Variants in ASH1L observed in about 807,000 individuals in gnomAD.
ASH1L encodes ASH1 like histone lysine methyltransferase.
ASH1L carries 23 observed loss-of-function variants against 269.0 expected under a neutral mutation model. That is an observed-to-expected ratio of 0.09 (90% confidence interval 0.06 to 0.12). ASH1L has a LOEUF of 0.12. Among genes scored for constraint, ASH1L ranks in the 10% least tolerant of loss-of-function variants. The pLI is 1.00. For synonymous variants in ASH1L, 1,187 were observed against 1,253.5 expected, an observed-to-expected ratio of 0.95 and a Z score of 1.12; for missense variants, 2,912 against 3,567.8, an observed-to-expected ratio of 0.82 and a Z score of 4.68.
rs1669681062 is a variant in ASH1L, at chr1:155,531,615, C to T, written c.-99-9997G>A. Among the ~76,000 whole-genome samples the T allele has an allele frequency of 1.3e-5, 2 of 151,922 alleles. 1 individual carries two copies. The highest frequency in any genetic ancestry group is 4.8e-5 in the African/African-American group (2 of 41,296). ...ACATAAATAGCAGAGTACCAATAAA[C>T]TGAAAAGAGATTTGAAAACATTTAT... On this transcript the variant is annotated intron_variant, in intron 1 of 27. Transcript: ENST00000392403.
At chr1:155,487,614 G>A (rs1281533202) in intron 2 of ASH1L, among the ~76,000 whole-genome samples, 2 of 151,930 alleles carry the variant, frequency 1.3e-5, no homozygotes, top group African/African-American at 2.4e-5. Context: ...CTCGAACTCC[G>A]GGGCTCAAGT....
intron 1 of ASH1L, among the ~76,000 whole-genome samples, chr1:155,553,778 G>A (rs1184416316): frequency 6.6e-6 from 1 of 151,696 alleles, no homozygotes; most frequent in Non-Finnish European, 1.5e-5. Flanking sequence ...TAATATGTTT[G>A]TTAACATGCT....
At chr1:155,538,486 T>C (rs1219424107) in intron 1 of ASH1L, among the ~76,000 whole-genome samples, 1 of 151,912 alleles carries the variant, frequency 6.6e-6, no homozygotes, top group African/African-American at 2.4e-5. Context: ...GCCTCCCGAG[T>C]AGCCGGGACT....
chr1:155,538,296 G>A (rs1054824362), intron 1 of ASH1L, among the ~76,000 whole-genome samples: 2 of 151,776 alleles, frequency 1.3e-5, no homozygotes, highest in Non-Finnish European at 2.9e-5. Context: ...GTCCACCTCA[G>A]CCTCCCAAAG....
chr1:155,349,578 A>C lies in ASH1L; in HGVS notation c.7385T>G (p.Leu2462Arg). The stretch of plus-strand genomic sequence containing the variant: ...GGGAAGGTTCAAAAGTGGAGCTGCC[A>C]GTGCTTGCCGGGAAGAATCTGCAAA... ...ISYKDSSRQA[L>R]AAPLLNLPPK... Residue 2462 changes from leucine to arginine, a missense_variant, in exon 18 of 28, where the codon CTG becomes CGG. Transcript: ENST00000392403. 1 of 1,614,074 alleles carries C rather than the reference A, an allele frequency of 6.2e-7. No individual in the cohort carries two copies.
chr1:155,482,010 G>A lies in ASH1L; in HGVS notation c.860C>T (p.Pro287Leu), dbSNP rs1284268957. The A allele has an allele frequency of 5.6e-6, 9 of 1,614,024 alleles. No individual in the cohort carries two copies. The highest frequency in any genetic ancestry group is 7.6e-6 in the Non-Finnish European group (9 of 1,180,002). The change falls in exon 3 of 28, where the codon CCT becomes CTT. Residue 287 changes from proline (P) to leucine (L), a missense_variant. Around this residue, in one of 13 missense-constraint regions of ASH1L, gnomAD observed 277 missense variants for 367.7 expected, o/e 0.75. Coordinates refer to ENST00000392403, the MANE Select transcript of ASH1L (RefSeq NM_018489.3). ...STAVGLVTKD[P>L]GKKPVFNAAV... ...TGCATTAAACACTGGCTTTTTCCCA[G>A]GATCTTTAGTTACCAATCCAACTGC...
intron 1 of ASH1L, among the ~76,000 whole-genome samples, chr1:155,533,004 C>T (rs113317094): frequency 6.9e-6 from 1 of 144,020 alleles, no homozygotes; most frequent in Non-Finnish European, 1.5e-5. Flanking sequence ...GTGTTGGTGG[C>T]GAAGGTCTGG....
At chr1:155,425,798 G>A (rs192707037) in intron 5 of ASH1L, among the ~76,000 whole-genome samples, 12 of 151,856 alleles carry the variant, frequency 7.9e-5, no homozygotes, top group Admixed American at 3.3e-4. Flanking sequence ...AGGCTGGCTC[G>A]AACTCCTGAC....
At chr1:155,549,831 T>G (rs1165827347) in intron 1 of ASH1L, among the ~76,000 whole-genome samples, 3 of 152,008 alleles carry the variant, frequency 2.0e-5, no homozygotes, top group Non-Finnish European at 4.4e-5. Context: ...TTTCCCACAG[T>G]GTTCCTCATC....
At chr1:155,442,936 C>T (rs1338335412) in intron 4 of ASH1L, among the ~76,000 whole-genome samples, 1 of 152,186 alleles carries the variant, frequency 6.6e-6, no homozygotes, top group Admixed American at 6.5e-5. Context: ...CAGGAAGCAC[C>T]CTCTTCATTC....
intron 1 of ASH1L, among the ~76,000 whole-genome samples, chr1:155,548,566 T>A (rs1242597746): frequency 6.6e-6 from 1 of 152,104 alleles, no homozygotes; most frequent in Non-Finnish European, 1.5e-5. Flanking sequence ...CACCAACCAT[T>A]TTACATTTGT....
rs541826464 is a variant in ASH1L, at chr1:155,448,966, G to A, written c.5087-9898C>T. On this transcript the variant is annotated intron_variant, in intron 4 of 27. Transcript: ENST00000392403. ...TGTTTTTTTTTTTAAACGGAGTCTCGCTTTGTTGCCAGGCTGGAGTGCAGT... is the reference window on the plus strand; with the variant it reads ...TGTTTTTTTTTTTAAACGGAGTCTCACTTTGTTGCCAGGCTGGAGTGCAGT... Among the ~76,000 whole-genome samples the A allele has an allele frequency of 4.0e-5, 6 of 150,786 alleles. No homozygotes were observed. The South Asian group carries it at 1.3e-3, about 32-fold the overall frequency.
At chr1:155,427,878 C>T (rs1354222098) in intron 5 of ASH1L, among the ~76,000 whole-genome samples, 1 of 152,178 alleles carries the variant, frequency 6.6e-6, no homozygotes, top group African/African-American at 2.4e-5. Flanking sequence ...TCCCCCGATG[C>T]TGTCGTTGCC....
At chr1:155,518,705 A>C (rs1668661029) in intron 2 of ASH1L, among the ~76,000 whole-genome samples, 1 of 139,288 alleles carries the variant, frequency 7.2e-6, no homozygotes, top group Non-Finnish European at 1.5e-5. Context: ...GGGCGGTGGG[A>C]GGAAGGAAAG....
intron 3 of ASH1L, among the ~76,000 whole-genome samples, chr1:155,465,099 C>T (rs976843249): frequency 1.9e-4 from 29 of 151,658 alleles, no homozygotes; most frequent in African/African-American, 6.3e-4. Flanking sequence ...TTACAGATGC[C>T]TGGGTGTGAA....
In ASH1L at chr1:155,468,227, TA is replaced by T. The variant is rs1280360094; in HGVS notation, c.4985-8330del. ...TTTGTAGAATGCCCTTTATTATTAT[TA>T]TTATTTTTTTTTTCTGCTTAGATTT... On this transcript the variant is annotated intron_variant, in intron 3 of 27. Transcript: ENST00000392403. Among the ~76,000 whole-genome samples, 164 of 29,798 alleles carry T rather than the reference TA, an allele frequency of 5.5e-3. 1 individual carries two copies. The highest frequency in any genetic ancestry group is 8.5e-3 in the African/African-American group (158 of 18,524). 19.5% of individuals were successfully genotyped at this position (29,798 alleles called of 152,430 possible). A position where few individuals can be genotyped will look rare whatever the true frequency, so the allele number is the denominator to read the frequency against.
intron 1 of ASH1L, among the ~76,000 whole-genome samples, chr1:155,554,575 A>AT (rs1035271502): frequency 2.6e-5 from 4 of 151,928 alleles, no homozygotes; most frequent in African/African-American, 9.7e-5. Flanking sequence ...CCCAGCCTGA[A>AT]TTTTTTATTT....
chr1:155,344,132 C>T (rs996010357), intron 22 of ASH1L, 51 bp downstream of exon 22: 6 of 1,501,350 alleles, frequency 4.0e-6, no homozygotes, highest in Non-Finnish European at 5.6e-6. Flanking sequence ...AGACTTCCTA[C>T]TATTCAGAAA....
chr1:155,525,075 C>T (rs1221670817), intron 1 of ASH1L, among the ~76,000 whole-genome samples: 1 of 151,826 alleles, frequency 6.6e-6, no homozygotes, highest in Non-Finnish European at 1.5e-5. Context: ...CAGCAAGACC[C>T]TCTCTCTACA....
Sources: gnomAD v4.1 joint callset for allele counts (sites outside exome capture counted in the v4.1 genomes callset) on GRCh38, gnomAD v4.1.1 for gene constraint, gnomAD v4.1.1 regional missense constraint, MANE v1.5 for transcripts, NCBI Gene and HGNC (gene_info 2026-07-23, HGNC 2026-07-21) for gene names.